FRMD6: variants seen among roughly 807,000 people sequenced by gnomAD.
FRMD6 encodes FERM domain containing 6, also known as FERM domain-containing protein 6.
FRMD6 carries 37 observed loss-of-function variants against 73.2 expected under a neutral mutation model. That is an observed-to-expected ratio of 0.51 (90% CI 0.39 to 0.66). The LOEUF (loss-of-function observed/expected upper bound fraction) is 0.66. FRMD6 is among the 30% of genes least tolerant of loss of function. The probability of loss-of-function intolerance (pLI) is 0.00; values close to 1 mark genes in which losing one functional copy is unlikely to be tolerated. For synonymous variants in FRMD6, 273 were observed against 282.2 expected (o/e 0.97, Z 0.33); for missense variants, 714 against 780.5 (o/e 0.91, Z 1.02).
At chr14:51,455,840 G>A in the FRMD6 span, among the ~76,000 whole-genome samples, 1 of 152,204 alleles carries the variant, frequency 6.6e-6, no homozygotes, top group Non-Finnish European at 1.5e-5. Context: ...CCGAGGGCAG[G>A]CCTCCCTCTA....
intron 2 of FRMD6, among the ~76,000 whole-genome samples, chr14:51,593,074 G>C (rs1231211675): frequency 1.3e-5 from 2 of 152,170 alleles, no homozygotes; most frequent in Non-Finnish European, 2.9e-5. Flanking sequence ...GCCTTTCGTA[G>C]TTTTTACCTA....
At chr14:51,594,931 T>C (rs1339347933) in intron 2 of FRMD6, among the ~76,000 whole-genome samples, 1 of 152,212 alleles carries the variant, frequency 6.6e-6, no homozygotes, top group African/African-American at 2.4e-5. Flanking sequence ...TTCCTTCCTT[T>C]GGAGATGGTG....
chr14:51,558,529 T>C (rs1162181826), intron 1 of FRMD6, among the ~76,000 whole-genome samples: 4 of 151,362 alleles, frequency 2.6e-5, no homozygotes, highest in Non-Finnish European at 5.9e-5. Context: ...GTATATAATA[T>C]GGAAAACAAA....
chr14:51,508,572 A>G (rs1388220743), intron 1 of FRMD6, among the ~76,000 whole-genome samples: 1 of 152,172 alleles, frequency 6.6e-6, no homozygotes, highest in Non-Finnish European at 1.5e-5. Flanking sequence ...AACGTAAAAT[A>G]CATGTCCTGA....
intron 10 of FRMD6, 140 bp downstream of exon 10, chr14:51,715,639 C>T: frequency 1.7e-6 from 1 of 600,848 alleles, no homozygotes; most frequent in Non-Finnish European, 2.7e-6. Flanking sequence ...TTACTATTTA[C>T]ATCTCAGTAT....
At chr14:51,473,636 C>T in the FRMD6 span, among the ~76,000 whole-genome samples, 2 of 152,144 alleles carry the variant, frequency 1.3e-5, no homozygotes, top group Non-Finnish European at 2.9e-5. Flanking sequence ...TGGACCTGTG[C>T]CCCAGGTTAG....
intron 12 of FRMD6, among the ~76,000 whole-genome samples, chr14:51,723,649 C>T (rs1008432222): frequency 6.6e-6 from 1 of 151,558 alleles, no homozygotes. Context: ...TAGCTGCAGG[C>T]CTGTAATCCC....
At chr14:51,537,332 T>C (rs530700731) in intron 1 of FRMD6, among the ~76,000 whole-genome samples, 2 of 152,342 alleles carry the variant, frequency 1.3e-5, no homozygotes, top group African/African-American at 2.4e-5. Context: ...CATGGTTCAA[T>C]AGCTCATTTG....
chr14:51,622,631 C>A (rs1160687457), intron 2 of FRMD6, among the ~76,000 whole-genome samples: 5 of 152,224 alleles, frequency 3.3e-5, no homozygotes, highest in Non-Finnish European at 5.9e-5. Context: ...CAACCCCCAA[C>A]ACACATACAG....
intron 1 of FRMD6, among the ~76,000 whole-genome samples, chr14:51,510,357 T>C (rs570297180): frequency 6.6e-6 from 1 of 152,334 alleles, no homozygotes; most frequent in African/African-American, 2.4e-5. Context: ...TACCAACTCA[T>C]CCACCTGAGT....
chr14:51,529,548 CTG>C (rs1885461676), intron 1 of FRMD6, among the ~76,000 whole-genome samples: 1 of 152,134 alleles, frequency 6.6e-6, no homozygotes, highest in Admixed American at 6.6e-5. Context: ...TTGCTTTTAT[CTG>C]TGTGTTTCTT....
chr14:51,716,940 G>A (rs1326359002), intron 10 of FRMD6, among the ~76,000 whole-genome samples: 2 of 152,200 alleles, frequency 1.3e-5, no homozygotes, highest in African/African-American at 4.8e-5. Context: ...GTCTAACATG[G>A]CACCTTGAGA....
intron 2 of FRMD6, among the ~76,000 whole-genome samples, chr14:51,693,127 C>A (rs1484207208): frequency 6.6e-6 from 1 of 152,098 alleles, no homozygotes; most frequent in Admixed American, 6.5e-5. Flanking sequence ...AACACACAGA[C>A]CTGAATTCAA....
chr14:51,632,259 A>C (rs2139984544), intron 2 of FRMD6, among the ~76,000 whole-genome samples: 1 of 152,318 alleles, frequency 6.6e-6, no homozygotes, highest in East Asian at 1.9e-4. Flanking sequence ...TCTTTCCTTT[A>C]TAAATTACCC....
At chr14:51,469,409 C>A in the FRMD6 span, among the ~76,000 whole-genome samples, 1 of 150,014 alleles carries the variant, frequency 6.7e-6, no homozygotes, top group Non-Finnish European at 1.5e-5. Context: ...GTCAGCAGAT[C>A]GAGACAATCC....
chr14:51,531,744 T>C (rs1304234385), intron 1 of FRMD6, among the ~76,000 whole-genome samples: 5 of 152,224 alleles, frequency 3.3e-5, no homozygotes, highest in African/African-American at 1.2e-4. Context: ...AGTTCTTTCA[T>C]GGTCTTTGCT....
chr14:51,454,168 T>C, the FRMD6 span, among the ~76,000 whole-genome samples: 1 of 152,222 alleles, frequency 6.6e-6, no homozygotes, highest in Non-Finnish European at 1.5e-5. Flanking sequence ...GGCATTTCAT[T>C]AGCTCTGCTT....
At chr14:51,480,759 A>G in the FRMD6 span, among the ~76,000 whole-genome samples, 17 of 152,276 alleles carry the variant, frequency 1.1e-4, no homozygotes, top group Admixed American at 2.6e-4. Flanking sequence ...TCTACCTCAC[A>G]ATGATATTGT....
the FRMD6 span, among the ~76,000 whole-genome samples, chr14:51,397,448 G>A: frequency 6.6e-6 from 1 of 152,198 alleles, no homozygotes; most frequent in African/African-American, 2.4e-5. Context: ...CTTGAGACAA[G>A]AGATGTGAAG....
Sources: gnomAD v4.1 joint callset for allele counts (sites outside exome capture counted in the v4.1 genomes callset) on GRCh38, gnomAD v4.1.1 for gene constraint, MANE v1.5 for transcripts, NCBI Gene and HGNC (gene_info 2026-07-23, HGNC 2026-07-21) for gene names.